KCNQ2: variants seen among roughly 807,000 people sequenced by gnomAD.
The protein encoded by KCNQ2 is potassium voltage-gated channel subfamily KQT member 2.
KCNQ2 carries 14 observed loss-of-function variants against 84.8 expected under a neutral mutation model. That is an observed-to-expected ratio of 0.17 (90% CI 0.11 to 0.26). The LOEUF (loss-of-function observed/expected upper bound fraction) is 0.26. Ranked by LOEUF, KCNQ2 falls within the 10% of genes least tolerant of loss-of-function variation. The pLI, the probability that KCNQ2 is intolerant of heterozygous loss-of-function variation, is 1.00. For synonymous variants in KCNQ2, 599 were observed against 554.1 expected, an observed-to-expected ratio of 1.08 and a Z score of -1.14; for missense variants, 788 against 1,254.0, an observed-to-expected ratio of 0.63 and a Z score of 5.61.
At position 63,404,426 on chromosome 20, in the gene KCNQ2, G is replaced by A. The variant is rs2079880682; in HGVS notation, c.*2218C>T. On this transcript the variant is annotated 3_prime_UTR_variant, in exon 17 of 17. Transcript: ENST00000359125. The stretch of plus-strand genomic sequence containing the variant: ...AGGCGGGGCCACACCTGGCGGGGGA[G>A]GAAAGAGCAGGCGGGGTCACACCTG... 6.6e-6 allele frequency: 1 copy of A among 151,472 alleles called. No homozygotes were observed. Among genetic ancestry groups the A allele is most frequent in the South Asian group, 2.1e-4 (1 of 4,796 alleles). 9.4% of individuals were successfully genotyped at this position (151,472 alleles called of 1,614,324 possible).
intron 11 of KCNQ2, chr20:63,422,564 G>A (rs1468323384): frequency 6.6e-6 from 1 of 152,518 alleles, no homozygotes; most frequent in African/African-American, 2.4e-5. Context: ...GACGGGGGAG[G>A]GGTGGGGAGC....
intron 4 of KCNQ2, among the ~76,000 whole-genome samples, chr20:63,443,457 TCACCACCATCAC>T (rs2081317620): frequency 1.1e-4 from 3 of 27,296 alleles, no homozygotes; most frequent in Non-Finnish European, 2.3e-4. Flanking sequence ...ACCATCACCA[TCACCACCATCAC>T]CACCATCATC....
chr20:63,413,182 C>T (rs1275769944), intron 15 of KCNQ2: 1 of 519,156 alleles, frequency 1.9e-6, no homozygotes, highest in African/African-American at 1.9e-5. Flanking sequence ...TACACACACA[C>T]ACATGCACAC....
rs564630217 is a variant in KCNQ2, at chr20:63,408,467, C to T, written c.1833G>A (p.Ala611=). Residue 611 remains alanine (A), a synonymous_variant, in exon 16 of 17, where the codon GCG becomes GCA. Transcript: ENST00000359125. This position sits in a 1 kb window ranked among gnomAD's most constrained non-coding sequence, Gnocchi z 5.0. ...TCATGCTGGGGTCCTCGGGCAGCTC[C>T]GCCTCGGCCGGGCCCTTGGTGCGGT... ...DKDRTKGPAE[A]ELPEDPSMMG... is the part of the protein sequence containing the mutation. 2.6e-4 allele frequency: 422 copies of T among 1,607,738 alleles called. 7 individuals are homozygous for T. The South Asian group carries it at 4.3e-3, about 17-fold the overall frequency.
intron 1 of KCNQ2, among the ~76,000 whole-genome samples, chr20:63,465,717 C>A (rs1035268795): frequency 6.6e-6 from 1 of 152,188 alleles, no homozygotes; most frequent in Admixed American, 6.5e-5. Flanking sequence ...ACCCAGGACG[C>A]GCTTCCTCCT....
chr20:63,470,279 C>G (rs2082184126), intron 1 of KCNQ2, among the ~76,000 whole-genome samples: 1 of 152,194 alleles, frequency 6.6e-6, no homozygotes, highest in African/African-American at 2.4e-5. Context: ...AGCAAAGGAG[C>G]TGAGGAGAGG....
At chr20:63,453,327 G>A (rs1201788413) in intron 1 of KCNQ2, among the ~76,000 whole-genome samples, 1 of 152,220 alleles carries the variant, frequency 6.6e-6, no homozygotes, top group Non-Finnish European at 1.5e-5. Flanking sequence ...CTCCAGGCAG[G>A]GGCGCTGGCA....
At chr20:63,451,631 C>T (rs533652886) in intron 1 of KCNQ2, among the ~76,000 whole-genome samples, 1 of 152,200 alleles carries the variant, frequency 6.6e-6, no homozygotes, top group Non-Finnish European at 1.5e-5. Context: ...AAGCTCCCTT[C>T]AGCCAAGAAC....
intron 1 of KCNQ2, among the ~76,000 whole-genome samples, chr20:63,454,012 T>G (rs1201071845): frequency 6.6e-6 from 1 of 152,184 alleles, no homozygotes; most frequent in African/African-American, 2.4e-5. Flanking sequence ...TGTTCAGGAC[T>G]CAGCCTGCTT....
Position 63,425,967 on chromosome 20 carries a change from C to T in KCNQ2, c.1218-1761G>A, listed in dbSNP as rs1015446429. On this transcript the variant is annotated intron_variant, in intron 10 of 16. Coordinates refer to ENST00000359125, the MANE Select transcript of KCNQ2 (RefSeq NM_172107.4). This position sits in a 1 kb window ranked among gnomAD's most constrained non-coding sequence, Gnocchi z 5.5. Reference sequence around the variant, plus strand: ...GCCGCCGGCCACCACGTTTCCAATCCGGCGGGGCAAACTCCACGTGGCACA... The same window carrying T: ...GCCGCCGGCCACCACGTTTCCAATCTGGCGGGGCAAACTCCACGTGGCACA... 6.6e-6 allele frequency among the ~76,000 whole-genome samples: 1 copy of T among 152,176 alleles called. No individual in the cohort carries two copies. The highest frequency in any genetic ancestry group is 2.4e-5 in the African/African-American group (1 of 41,444).
chr20:63,458,095 G>A (rs1274696832), intron 1 of KCNQ2, among the ~76,000 whole-genome samples: 3 of 135,698 alleles, frequency 2.2e-5, no homozygotes, highest in Admixed American at 1.5e-4. Flanking sequence ...CGCCCTCCCC[G>A]ACCCCGCAAC....
rs2080208831 is a variant in KCNQ2 at position 63,414,068 on chromosome 20, C to T, written c.1631+20G>A. On this transcript the variant is annotated intron_variant, in intron 14 of 16. Coordinates refer to ENST00000359125, the MANE Select transcript of KCNQ2 (RefSeq NM_172107.4). This position sits in a 1 kb window ranked among gnomAD's most constrained non-coding sequence, Gnocchi z 6.6. ...GCCCCTCCTCACTCCCCCAGGCTCCCGGCTGGGCAGGGGCCTCACCACACG... is the reference window on the plus strand; with the variant it reads ...GCCCCTCCTCACTCCCCCAGGCTCCTGGCTGGGCAGGGGCCTCACCACACG... 8.8e-6 allele frequency: 14 copies of T among 1,590,124 alleles called. No individual in the cohort carries two copies. The highest frequency in any genetic ancestry group is 4.0e-5 in the African/African-American group (3 of 74,402).
intron 11 of KCNQ2, among the ~76,000 whole-genome samples, chr20:63,420,766 C>T (rs923593179): frequency 6.6e-6 from 1 of 152,026 alleles, no homozygotes; most frequent in Non-Finnish European, 1.5e-5. Context: ...ACTCCAAGGG[C>T]GGGTGGCCGG....
At position 63,408,263 on chromosome 20, in the gene KCNQ2, A is replaced by G. The variant is rs34821017; in HGVS notation, c.1887+150T>C. 160,808 of 1,014,748 alleles carry G rather than the reference A, an allele frequency of 0.16. 14,326 individuals carry two copies. Among genetic ancestry groups the G allele is most frequent in the South Asian group, 0.32 (20,834 of 64,930 alleles). The allele number at this position is 1,014,748 out of a possible 1,614,324, so 62.9% of individuals were successfully genotyped here. ...ACGGTGGGGTGTGAGGGGTCTGCAC[A>G]GAGCAGCTGTCAGTGGTGACAGGGC... is the stretch of plus-strand genomic sequence containing the variant. On this transcript the variant is annotated intron_variant, in intron 16 of 16. Coordinates refer to ENST00000359125, the MANE Select transcript of KCNQ2 (RefSeq NM_172107.4). The surrounding 1 kb of genome is among the most constrained non-coding windows in gnomAD (Gnocchi z 5.0).
chr20:63,436,277 A>G (rs1177137664), intron 7 of KCNQ2, among the ~76,000 whole-genome samples: 1 of 152,210 alleles, frequency 6.6e-6, no homozygotes, highest in Non-Finnish European at 1.5e-5. Context: ...CACGCCTGTA[A>G]TCCCAGCACT....
At chr20:63,417,495 C>T (rs1263953514) in intron 12 of KCNQ2, among the ~76,000 whole-genome samples, 1 of 152,254 alleles carries the variant, frequency 6.6e-6, no homozygotes, top group Non-Finnish European at 1.5e-5. Context: ...AGGACAGAGC[C>T]GGTCGGCCCA....
At chr20:63,469,293 G>A (rs1166767836) in intron 1 of KCNQ2, among the ~76,000 whole-genome samples, 3 of 152,192 alleles carry the variant, frequency 2.0e-5, no homozygotes, top group Non-Finnish European at 4.4e-5. Flanking sequence ...ACCCCGCCCC[G>A]ACCAGGCAGA....
chr20:63,417,917 G>A (rs1263520228), intron 12 of KCNQ2, among the ~76,000 whole-genome samples: 1 of 152,228 alleles, frequency 6.6e-6, no homozygotes, highest in East Asian at 1.9e-4. Flanking sequence ...GAGCCGGCGG[G>A]AAGGAGCCTG....
intron 4 of KCNQ2, 70 bp from the exon 5 acceptor site, chr20:63,442,601 CACCACCATCACATCAACACCATG>C (rs2081196706): frequency 2.0e-6 from 3 of 1,524,136 alleles, no homozygotes; most frequent in Non-Finnish European, 2.7e-6. Flanking sequence ...CCACCAACAC[CACCACCATCACATCAACACCATG>C]ACCACCATCA....
Sources: gnomAD v4.1 joint callset for allele counts (sites outside exome capture counted in the v4.1 genomes callset) on GRCh38, gnomAD v4.1.1 for gene constraint, Gnocchi (gnomAD v3.1) non-coding constraint, MANE v1.5 for transcripts, NCBI Gene and HGNC (gene_info 2026-07-23, HGNC 2026-07-21) for gene names.